Variants in SLC12A5 observed in about 807,000 individuals in gnomAD.
SLC12A5 encodes solute carrier family 12 member 5, also known as K-Cl cotransporter 2.
In SLC12A5, 18 loss-of-function variants were observed where a neutral mutation model predicts 124.0. The ratio of observed to expected loss-of-function variants is 0.15; its 90% CI spans 0.10 to 0.22. The LOEUF is 0.22. Among genes scored for constraint, SLC12A5 ranks in the 10% least tolerant of loss-of-function variants. The probability of loss-of-function intolerance (pLI) is 1.00; values close to 1 mark genes in which losing one functional copy is unlikely to be tolerated. For missense variants in SLC12A5, 867 were observed against 1,478.7 expected (o/e 0.59, Z 6.78); for synonymous variants, 589 against 568.0 (o/e 1.04, Z -0.53).
At chr20:46,036,236 C>T in intron 4 of SLC12A5, 1 of 301,082 alleles carries the variant, frequency 3.3e-6, no homozygotes, top group Non-Finnish European at 6.2e-6. Context: ...AACATTTTGG[C>T]AGGTCCAGAC....
chr20:46,049,999 G>A (rs1220710086), intron 17 of SLC12A5, among the ~76,000 whole-genome samples: 2 of 152,246 alleles, frequency 1.3e-5, no homozygotes, highest in South Asian at 2.1e-4. Flanking sequence ...AGAGGCAGAA[G>A]GGCCCATTTT....
upstream of SLC12A5, chr20:46,029,095 C>G: frequency 1.5e-6 from 2 of 1,322,772 alleles, no homozygotes; most frequent in Middle Eastern, 2.8e-4. Context: ...CCCAAAACCC[C>G]GCCAGTGGCT....
intron 18 of SLC12A5, among the ~76,000 whole-genome samples, chr20:46,052,464 C>G (rs1600604186): frequency 6.6e-6 from 1 of 152,306 alleles, no homozygotes; most frequent in East Asian, 1.9e-4. Context: ...CTTTGGGAAG[C>G]CAAGGCAGGT....
rs138569099 is a variant in SLC12A5, at chr20:46,041,411, G to T, written c.937G>T (p.Val313Leu). 1.9e-6 allele frequency: 3 copies of T among 1,614,002 alleles called. No individual in the cohort carries two copies. Among genetic ancestry groups the T allele is most frequent in the African/African-American group, 2.7e-5 (2 of 74,904 alleles). The change falls in exon 8 of 26, where the codon GTG becomes TTG. Residue 313 changes from valine (V) to leucine (L), a missense_variant. This residue lies in a region of SLC12A5 where 127 missense variants were observed against 164.1 expected (regional missense o/e 0.77). Transcript: ENST00000243964. ...GCTGGCTTGGGAAGGAAATGAGACG[G>T]TGACCACACGGCTATGGGGCCTTTT... ...AKLAWEGNET[V>L]TTRLWGLFCS...
At chr20:46,035,075 C>A in intron 2 of SLC12A5, 33 bp downstream of exon 2, 1 of 1,597,264 alleles carries the variant, frequency 6.3e-7, no homozygotes, top group Non-Finnish European at 8.6e-7. Context: ...CCCCCACCTA[C>A]AATTCATTAT....
In SLC12A5 at chr20:46,056,860, T is replaced by C. The variant is rs775814910; in HGVS notation, c.3111-37T>C. Reference sequence around the variant, plus strand: ...TTCCTCTTTTTCTGACTCTGCTCTTTTTCTTTCTCTCTTTGCATCTCTTGT... The same window carrying C: ...TTCCTCTTTTTCTGACTCTGCTCTTCTTCTTTCTCTCTTTGCATCTCTTGT... On this transcript the variant is annotated intron_variant, in intron 23 of 25. Transcript: ENST00000243964. This position sits in a 1 kb window ranked among gnomAD's most constrained non-coding sequence, Gnocchi z 4.3. 61 of 1,609,478 alleles carry C rather than the reference T, an allele frequency of 3.8e-5. No homozygotes were observed. Among genetic ancestry groups the C allele is most frequent in the Non-Finnish European group, 5.2e-5 (61 of 1,176,106 alleles).
chr20:46,059,615 G>C lies in SLC12A5; in HGVS notation c.*2010G>C, dbSNP rs150067894. The C allele has an allele frequency of 2.5e-3, 1,013 of 399,098 alleles. 7 individuals carry two copies. Among genetic ancestry groups the C allele is most frequent in the Non-Finnish European group, 3.7e-3 (832 of 226,078 alleles). 24.7% of individuals were successfully genotyped at this position (399,098 alleles called of 1,614,324 possible). On this transcript the variant is annotated 3_prime_UTR_variant, in exon 26 of 26. Transcript: ENST00000243964. Reference sequence around the variant, plus strand: ...TGGGCCCAGATTGTCTGGTTGGCAAGAGCAAAGTTTCCGTTGATGAAACAG... The same window carrying C: ...TGGGCCCAGATTGTCTGGTTGGCAACAGCAAAGTTTCCGTTGATGAAACAG...
chr20:46,037,222 G>A (rs746163714), intron 5 of SLC12A5, 33 bp from the exon 6 acceptor site: 42 of 1,568,162 alleles, frequency 2.7e-5, no homozygotes, highest in Admixed American at 7.2e-5. Context: ...CAGTGCCCCC[G>A]ACCCTCTCGC....
At position 46,053,481 on chromosome 20, in the gene SLC12A5, G is replaced by C. The variant is rs982290780; in HGVS notation, c.2548-97G>C. ...GGTCTGCATGTATGTGTGAGGAGTG[G>C]GTGGGAAGAGGGGAAGGGTGAGCGG... On this transcript the variant is annotated intron_variant, in intron 19 of 25. Transcript: ENST00000243964. The surrounding 1 kb of genome is among the most constrained non-coding windows in gnomAD (Gnocchi z 4.7). 251 of 1,519,052 alleles carry C rather than the reference G, an allele frequency of 1.7e-4. 1 individual carries two copies. The Admixed American group carries it at 2.3e-3, about 14-fold the overall frequency. 94.1% of individuals were successfully genotyped at this position (1,519,052 alleles called of 1,614,324 possible).
chr20:46,044,825 T>G (rs1024411757), intron 11 of SLC12A5, 141 bp from the exon 12 acceptor site: 2 of 869,882 alleles, frequency 2.3e-6, no homozygotes, highest in African/African-American at 3.4e-5. Flanking sequence ...ATGGAACATT[T>G]GGGGCTCTGC....
chr20:46,040,282 G>A (rs1242868545), intron 6 of SLC12A5, 91 bp from the exon 7 acceptor site: 1 of 1,551,732 alleles, frequency 6.4e-7, no homozygotes, highest in Non-Finnish European at 8.7e-7. Flanking sequence ...CTGTGACTGT[G>A]CTGTGATGAG....
chr20:46,021,850 G>T, exon 1 of SLC12A5: 1 of 1,532,042 alleles, frequency 6.5e-7, no homozygotes, highest in South Asian at 1.2e-5. Flanking sequence ...GCATTCGGTC[G>T]CAGACCCCCG....
In SLC12A5 at chr20:46,045,952, C is replaced by T. The variant is rs1299696781; in HGVS notation, c.1644C>T (p.Gly548=). The part of the protein sequence containing the change: ...LLLTACICEI[G]ILIASLDEVA... ...TGACTGCCTGCATCTGCGAGATTGG[C>T]ATCCTCATTGCATCCCTCGACGAGG... Residue 548 remains glycine, a synonymous_variant, in exon 13 of 26, where the codon GGC becomes GGT. Transcript: ENST00000243964. The surrounding 1 kb of genome is among the most constrained non-coding windows in gnomAD (Gnocchi z 4.9). 6.2e-7 allele frequency: 1 copy of T among 1,614,162 alleles called. No homozygotes were observed. Among genetic ancestry groups the T allele is most frequent in the Admixed American group, 1.7e-5 (1 of 60,014 alleles).
chr20:46,056,593 G>C lies in SLC12A5; in HGVS notation c.3110+29G>C. On this transcript the variant is annotated intron_variant, in intron 23 of 25. Transcript: ENST00000243964. The surrounding 1 kb of genome is among the most constrained non-coding windows in gnomAD (Gnocchi z 4.3). ...CGGGCCTGGGGGCTAAGGGCTGGGG[G>C]CTGGGGTGAGCTAAAGGGTCTTGCT... The C allele has an allele frequency of 6.3e-7, 1 of 1,599,206 alleles. No individual in the cohort carries two copies. The highest frequency in any genetic ancestry group is 8.5e-7 in the Non-Finnish European group (1 of 1,171,840).
At chr20:46,042,794 G>T (rs528124264) in intron 8 of SLC12A5, among the ~76,000 whole-genome samples, 2 of 152,164 alleles carry the variant, frequency 1.3e-5, no homozygotes, top group East Asian at 3.9e-4. Flanking sequence ...ATTGATGATG[G>T]TGCCATTTAC....
In SLC12A5 at chr20:46,044,924, G is replaced by A. The variant is rs748612503; in HGVS notation, c.1395-42G>A. 1.5e-5 allele frequency: 25 copies of A among 1,613,152 alleles called. No individual in the cohort carries two copies. The Middle Eastern group carries it at 6.6e-4, about 43-fold the overall frequency. On this transcript the variant is annotated intron_variant, in intron 11 of 25. Transcript: ENST00000243964. ...ATGGAGACCTGCCCTGGAAATCCAG[G>A]CAGCACTGCTCACCTGGCATCTCCT...
chr20:46,057,057 T>C lies in SLC12A5; in HGVS notation c.3126-113T>C. On this transcript the variant is annotated intron_variant, in intron 24 of 25. Transcript: ENST00000243964. The surrounding 1 kb of genome is among the most constrained non-coding windows in gnomAD (Gnocchi z 7.1). ...TGGAGATGTTTAGGATTGGTGGTCC[T>C]AGGCTTGCAAGAACCAGTCCCCAGC... The C allele has an allele frequency of 6.3e-7, 1 of 1,592,228 alleles. No individual in the cohort carries two copies. The highest frequency in any genetic ancestry group is 8.6e-7 in the Non-Finnish European group (1 of 1,163,410).
Position 46,058,880 on chromosome 20 carries a change from G to A in SLC12A5, c.*1275G>A, listed in dbSNP as rs1172673401. On this transcript the variant is annotated 3_prime_UTR_variant, in exon 26 of 26. Transcript: ENST00000243964. This position sits in a 1 kb window ranked among gnomAD's most constrained non-coding sequence, Gnocchi z 5.8. ...GCCGCCTTCTCCGTGCTCTGGGGCC[G>A]GGCCTCGCTGCTTAGCAGCGGCCTC... The A allele has an allele frequency of 2.5e-6, 1 of 397,306 alleles. No homozygotes were observed. The highest frequency in any genetic ancestry group is 4.4e-6 in the Non-Finnish European group (1 of 225,810). 24.6% of individuals were successfully genotyped at this position (397,306 alleles called of 1,614,324 possible).
At chr20:46,043,763 C>T (rs773922046) in intron 10 of SLC12A5, 32 bp downstream of exon 10, 26 of 1,613,480 alleles carry the variant, frequency 1.6e-5, no homozygotes, top group Middle Eastern at 3.3e-4. Flanking sequence ...GGACCACCCT[C>T]GGGGGAGGGC....
Sources: gnomAD v4.1 joint callset for allele counts (sites outside exome capture counted in the v4.1 genomes callset) on GRCh38, gnomAD v4.1.1 for gene constraint, gnomAD v4.1.1 regional missense constraint, Gnocchi (gnomAD v3.1) non-coding constraint, MANE v1.5 for transcripts, NCBI Gene and HGNC (gene_info 2026-07-23, HGNC 2026-07-21) for gene names.